Variants in CPEB3 observed in about 807,000 individuals in gnomAD.
CPEB3 encodes cytoplasmic polyadenylation element-binding protein 3.
A neutral mutation model predicts 67.2 loss-of-function variants in CPEB3; 20 were observed. That is an observed-to-expected ratio of 0.30 (90% CI 0.21 to 0.43). The LOEUF is 0.43. Among genes scored for constraint, CPEB3 ranks in the 20% least tolerant of loss-of-function variants. CPEB3 has a pLI of 1.00. For missense variants in CPEB3, 746 were observed against 968.6 expected (o/e 0.77, Z 3.05); for synonymous variants, 376 against 393.1 (o/e 0.96, Z 0.51).
intron 2 of CPEB3, among the ~76,000 whole-genome samples, chr10:92,238,924 T>C (rs748297024): frequency 3.3e-5 from 5 of 152,202 alleles, no homozygotes; most frequent in Non-Finnish European, 7.3e-5. Flanking sequence ...GTGGACCGCT[T>C]GCAGGCGGCA....
chr10:92,214,411 TA>T (rs1223015744), intron 2 of CPEB3, among the ~76,000 whole-genome samples: 1 of 152,136 alleles, frequency 6.6e-6, no homozygotes, highest in Non-Finnish European at 1.5e-5. Context: ...TGTGAGGAAA[TA>T]AATTTCTGTT....
chr10:92,139,514 T>A (rs1210221554), intron 6 of CPEB3, among the ~76,000 whole-genome samples: 2 of 143,012 alleles, frequency 1.4e-5, no homozygotes, highest in Non-Finnish European at 3.0e-5. Context: ...AATAGAATGA[T>A]GTAAGTTACC....
intron 6 of CPEB3, among the ~76,000 whole-genome samples, chr10:92,142,303 G>A (rs911375834): frequency 1.3e-5 from 2 of 152,184 alleles, no homozygotes; most frequent in Non-Finnish European, 2.9e-5. Context: ...TTTCTGAAAT[G>A]AAATGTATCC....
rs1841879780 is a variant in CPEB3, at chr10:92,051,013, T to G, written c.*1199A>C. ...TGATCACAGTTAGACATAATCACTT[T>G]ACTATATAAAATAAATTTCACAATA... On this transcript the variant is annotated 3_prime_UTR_variant, in exon 10 of 10. Coordinates refer to ENST00000265997, the MANE Select transcript of CPEB3 (RefSeq NM_014912.5). 1 of 152,666 alleles carries G rather than the reference T, an allele frequency of 6.6e-6. No homozygotes were observed. Among genetic ancestry groups the G allele is most frequent in the Non-Finnish European group, 1.5e-5 (1 of 68,054 alleles). 9.5% of individuals were successfully genotyped at this position (152,666 alleles called of 1,614,324 possible).
chr10:92,092,073 A>G (rs542262641), intron 7 of CPEB3, 129 bp from the exon 8 acceptor site: 2 of 672,768 alleles, frequency 3.0e-6, no homozygotes, highest in Non-Finnish European at 5.3e-6. Flanking sequence ...AATCCAGTTA[A>G]TTAGTTAACG....
intron 6 of CPEB3, among the ~76,000 whole-genome samples, chr10:92,122,704 G>T (rs1845444364): frequency 6.6e-6 from 1 of 152,184 alleles, no homozygotes. Context: ...GGACTTCACA[G>T]AAAGAAGAAA....
intron 4 of CPEB3, among the ~76,000 whole-genome samples, chr10:92,179,879 T>C (rs528701158): frequency 6.6e-6 from 1 of 151,310 alleles, no homozygotes; most frequent in South Asian, 2.1e-4. Context: ...ACATTCAACA[T>C]ACCTACTCAA....
intron 9 of CPEB3, among the ~76,000 whole-genome samples, chr10:92,076,922 A>G (rs917646344): frequency 2.0e-5 from 3 of 151,958 alleles, no homozygotes; most frequent in African/African-American, 7.3e-5. Flanking sequence ...GGGAGGAAGG[A>G]AATGACTGTG....
intron 1 of CPEB3, among the ~76,000 whole-genome samples, chr10:92,270,913 A>G (rs1285772617): frequency 6.6e-6 from 1 of 151,992 alleles, no homozygotes; most frequent in Non-Finnish European, 1.5e-5. Flanking sequence ...ATGATGGTTC[A>G]CGCCTGTAAT....
chr10:92,208,029 G>A (rs1183452313), intron 2 of CPEB3, among the ~76,000 whole-genome samples: 1 of 152,236 alleles, frequency 6.6e-6, no homozygotes, highest in African/African-American at 2.4e-5. Context: ...ATATGTTGAA[G>A]TAGGATAGGG....
intron 2 of CPEB3, among the ~76,000 whole-genome samples, chr10:92,212,119 G>T (rs1311829622): frequency 6.6e-6 from 1 of 151,682 alleles, no homozygotes; most frequent in Non-Finnish European, 1.5e-5. Flanking sequence ...GACCTCAAGT[G>T]ATGTGCTCAC....
At chr10:92,200,422 G>A (rs1166084125) in intron 2 of CPEB3, among the ~76,000 whole-genome samples, 1 of 151,822 alleles carries the variant, frequency 6.6e-6, no homozygotes, top group African/African-American at 2.4e-5. Context: ...GCGCATGCCT[G>A]TAATCCCAGC....
At chr10:92,209,084 T>C (rs1162830783) in intron 2 of CPEB3, among the ~76,000 whole-genome samples, 1 of 152,186 alleles carries the variant, frequency 6.6e-6, no homozygotes, top group Non-Finnish European at 1.5e-5. Context: ...AGTAAACATG[T>C]TGAACAAGTG....
chr10:92,063,301 A>G (rs1271215147), intron 9 of CPEB3, among the ~76,000 whole-genome samples: 3 of 152,234 alleles, frequency 2.0e-5, no homozygotes, highest in African/African-American at 7.2e-5. Flanking sequence ...ACCGTAAACT[A>G]TTCGCAGGTG....
chr10:92,156,269 C>T (rs1186793155), intron 4 of CPEB3, among the ~76,000 whole-genome samples: 2 of 151,956 alleles, frequency 1.3e-5, no homozygotes, highest in Non-Finnish European at 2.9e-5. Flanking sequence ...GAAGGGTGAC[C>T]TGTATGGCCA....
rs370489459 is a variant in CPEB3, at chr10:92,234,089, G to C, written c.1005+5257C>G. ...CCACTGTACTCCAGCTTGGGGAACA[G>C]AGTGAGACTTTGTCTCAAAAAAAAA... On this transcript the variant is annotated intron_variant, in intron 2 of 9. Transcript: ENST00000265997. Among the ~76,000 whole-genome samples the C allele has an allele frequency of 2.3e-3, 323 of 138,416 alleles. 1 individual carries two copies. The highest frequency in any genetic ancestry group is 8.2e-3 in the African/African-American group (313 of 38,302). 90.8% of individuals were successfully genotyped at this position (138,416 alleles called of 152,430 possible).
In CPEB3 at chr10:92,239,696, T is replaced by C. The variant is rs768767644; in HGVS notation, c.655A>G (p.Lys219Glu). 3.2e-6 allele frequency: 5 copies of C among 1,570,998 alleles called. No individual in the cohort carries two copies. The highest frequency in any genetic ancestry group is 4.3e-6 in the Non-Finnish European group (5 of 1,162,334). Residue 219 changes from lysine (K) to glutamate (E), a missense_variant, in exon 2 of 10, where the codon AAG becomes GAG. By Grantham distance (56) the Lys-to-Glu change is moderately conservative. Transcript: ENST00000265997. The surrounding 1 kb of genome is among the most constrained non-coding windows in gnomAD (Gnocchi z 6.0). ...AYGHQPIMTS[K>E]PSSSSAVAAA... The stretch of plus-strand genomic sequence containing the variant: ...GCAACCGCCGAAGACGAGGACGGCT[T>C]GCTGGTCATGATGGGCTGGTGGCCG...
At chr10:92,127,502 C>G (rs1176624125) in intron 6 of CPEB3, among the ~76,000 whole-genome samples, 1 of 151,772 alleles carries the variant, frequency 6.6e-6, no homozygotes, top group Non-Finnish European at 1.5e-5. Flanking sequence ...ATGGTGAGAC[C>G]CCCATCTCTA....
chr10:92,265,187 G>A (rs1356451962), intron 1 of CPEB3, among the ~76,000 whole-genome samples: 1 of 152,024 alleles, frequency 6.6e-6, no homozygotes, highest in African/African-American at 2.4e-5. Context: ...CAAAGCATAT[G>A]GTCTGAGAAT....
Sources: allele counts gnomAD v4.1 joint callset (sites outside exome capture counted in the v4.1 genomes callset), GRCh38; gene constraint gnomAD v4.1.1; non-coding constraint Gnocchi (gnomAD v3.1); transcripts MANE v1.5; gene names NCBI Gene and HGNC (gene_info 2026-07-23, HGNC 2026-07-21).